CTNND2: variants seen among roughly 807,000 people sequenced by gnomAD.
CTNND2 encodes catenin delta 2.
Under a neutral mutation model 144.4 loss-of-function variants are expected in CTNND2, and 22 were observed. The observed-to-expected ratio is 0.15, with a 90% CI of 0.11 to 0.22. The LOEUF is 0.22. Among genes scored for constraint, CTNND2 ranks in the 10% least tolerant of loss-of-function variants. CTNND2 has a pLI of 1.00. For missense variants in CTNND2, 1,353 were observed against 1,618.8 expected (o/e 0.84, Z 2.82); for synonymous variants, 751 against 695.6 (o/e 1.08, Z -1.25).
chr5:11,107,987 G>C (rs2973503), intron 14 of CTNND2, among the ~76,000 whole-genome samples: 111,507 of 152,150 alleles, frequency 0.73, 42,004 homozygotes, highest in African/African-American at 0.93. Context: ...AAGACCCACA[G>C]AGTCCTTTGC....
At chr5:11,124,182 GCT>G (rs1443223993) in intron 12 of CTNND2, among the ~76,000 whole-genome samples, 1 of 152,128 alleles carries the variant, frequency 6.6e-6, no homozygotes, top group African/African-American at 2.4e-5. Context: ...TCTCCTGCCT[GCT>G]CTCTCTTGCT....
chr5:11,630,516 T>C (rs747624082), intron 2 of CTNND2, among the ~76,000 whole-genome samples: 8 of 152,344 alleles, frequency 5.3e-5, no homozygotes, highest in Non-Finnish European at 7.4e-5. Flanking sequence ...TTAAACTGCA[T>C]GTAGAAATTA....
rs535184055 is a variant in CTNND2, at chr5:11,587,418, G to T, written c.175-22362C>A. ...GCCCTCAGAATAATATCTTTCTTCTGATATTATTCTGATATTCTGATATAA... is the reference window on the plus strand; with the variant it reads ...GCCCTCAGAATAATATCTTTCTTCTTATATTATTCTGATATTCTGATATAA... On this transcript the variant is annotated intron_variant, in intron 2 of 21. Coordinates refer to ENST00000304623, the MANE Select transcript of CTNND2 (RefSeq NM_001332.4). Among the ~76,000 whole-genome samples the T allele has an allele frequency of 9.2e-5, 14 of 151,954 alleles. No homozygotes were observed. In the South Asian group the frequency reaches 2.9e-3, roughly 32 times the overall value.
intron 16 of CTNND2, among the ~76,000 whole-genome samples, chr5:11,074,940 T>G (rs1181484778): frequency 1.3e-5 from 2 of 152,056 alleles, no homozygotes; most frequent in Non-Finnish European, 2.9e-5. Flanking sequence ...ATGGCCCTAA[T>G]TCCCCCTGCC....
At chr5:11,069,670 A>G (rs1748023211) in intron 16 of CTNND2, among the ~76,000 whole-genome samples, 5 of 32,204 alleles carry the variant, frequency 1.6e-4, no homozygotes, top group African/African-American at 1.4e-3. Context: ...AGAGACAGAC[A>G]GACAGACAGA....
chr5:11,704,135 C>A (rs1785584965), intron 2 of CTNND2, among the ~76,000 whole-genome samples: 1 of 152,148 alleles, frequency 6.6e-6, no homozygotes, highest in South Asian at 2.1e-4. Flanking sequence ...TAGATGTAGT[C>A]AAGCTTATTT....
intron 1 of CTNND2, among the ~76,000 whole-genome samples, chr5:11,738,225 T>C (rs1787802740): frequency 6.6e-6 from 1 of 152,200 alleles, no homozygotes; most frequent in African/African-American, 2.4e-5. Context: ...CCCCATTGTA[T>C]GAAATAAGCC....
intron 16 of CTNND2, among the ~76,000 whole-genome samples, chr5:11,030,864 T>A (rs1215370049): frequency 6.6e-6 from 1 of 151,670 alleles, no homozygotes; most frequent in Non-Finnish European, 1.5e-5. Context: ...AAACTGAAAA[T>A]TTGAATGTAA....
At chr5:11,410,854 G>A (rs1761463777) in intron 5 of CTNND2, among the ~76,000 whole-genome samples, 1 of 151,556 alleles carries the variant, frequency 6.6e-6, no homozygotes, top group African/African-American at 2.4e-5. Context: ...TGATCTCTAT[G>A]AGTAAAGCAC....
At chr5:11,487,827 G>A (rs115049487) in intron 3 of CTNND2, among the ~76,000 whole-genome samples, 1,628 of 152,198 alleles carry the variant, frequency 0.011, 24 homozygotes, top group African/African-American at 0.033. Flanking sequence ...AATTGACCAC[G>A]GTGGGAGTAT....
At chr5:11,266,746 T>A (rs536304970) in intron 9 of CTNND2, among the ~76,000 whole-genome samples, 2 of 152,348 alleles carry the variant, frequency 1.3e-5, no homozygotes, top group South Asian at 4.1e-4. Context: ...CCAGCTTAAT[T>A]AGCATAATTT....
chr5:10,978,823 C>T (rs1414927042), intron 21 of CTNND2, among the ~76,000 whole-genome samples: 4 of 152,228 alleles, frequency 2.6e-5, no homozygotes, highest in African/African-American at 9.6e-5. Context: ...TGTTCACACT[C>T]ATGGCAAGGA....
intron 2 of CTNND2, among the ~76,000 whole-genome samples, chr5:11,634,789 G>C (rs577984113): frequency 6.6e-6 from 1 of 152,288 alleles, no homozygotes; most frequent in South Asian, 2.1e-4. Flanking sequence ...AGGGAGCACA[G>C]AAAACATGAT....
At chr5:11,690,396 C>A (rs74608523) in intron 2 of CTNND2, among the ~76,000 whole-genome samples, 3,876 of 152,202 alleles carry the variant, frequency 0.025, 162 homozygotes, top group African/African-American at 0.088. Context: ...AGTAACACAG[C>A]GAAGTGAAGC....
intron 3 of CTNND2, among the ~76,000 whole-genome samples, chr5:11,544,349 C>A (rs577133963): frequency 6.6e-6 from 1 of 152,200 alleles, no homozygotes; most frequent in East Asian, 1.9e-4. Context: ...CACTGATACA[C>A]TGCTGATAGG....
intron 13 of CTNND2, among the ~76,000 whole-genome samples, chr5:11,111,778 G>A (rs942870818): frequency 7.9e-5 from 12 of 152,038 alleles, no homozygotes; most frequent in Non-Finnish European, 1.5e-4. Flanking sequence ...CACATCTTAG[G>A]TTCTTGTGCA....
chr5:11,894,190 C>T (rs570759943), intron 1 of CTNND2, among the ~76,000 whole-genome samples: 7 of 151,032 alleles, frequency 4.6e-5, no homozygotes, highest in East Asian at 2.0e-4. Context: ...GTGCCAGACG[C>T]GGCAGCCCAC....
chr5:11,549,270 G>A (rs190852679), intron 3 of CTNND2, among the ~76,000 whole-genome samples: 201 of 152,254 alleles, frequency 1.3e-3, no homozygotes, highest in African/African-American at 3.9e-3. Flanking sequence ...TATATTTGGC[G>A]TCTGTAACAT....
intron 21 of CTNND2, among the ~76,000 whole-genome samples, chr5:10,977,499 C>T (rs1736648127): frequency 6.6e-6 from 1 of 151,740 alleles, no homozygotes; most frequent in Non-Finnish European, 1.5e-5. Flanking sequence ...GTCACTCAGG[C>T]TGGAGTGCAG....
Sources: allele counts gnomAD v4.1 joint callset (sites outside exome capture counted in the v4.1 genomes callset), GRCh38; gene constraint gnomAD v4.1.1; transcripts MANE v1.5; gene names NCBI Gene and HGNC (gene_info 2026-07-23, HGNC 2026-07-21).